Variants in SBNO1 observed in about 807,000 individuals in gnomAD.
SBNO1 encodes protein strawberry notch homolog 1.
In SBNO1, 23 loss-of-function variants were observed where a neutral mutation model predicts 173.6. That is an observed-to-expected ratio of 0.13 (90% CI 0.10 to 0.19). The LOEUF (loss-of-function observed/expected upper bound fraction) is 0.19, where lower values mean the gene tolerates loss of function less well. Ranked by LOEUF, SBNO1 falls within the 10% of genes least tolerant of loss-of-function variation. SBNO1 has a pLI of 1.00. For synonymous variants in SBNO1, 632 were observed against 571.5 expected, an observed-to-expected ratio of 1.11 and a Z score of -1.51; for missense variants, 1,238 against 1,671.2, an observed-to-expected ratio of 0.74 and a Z score of 4.52.
Position 123,334,117 on chromosome 12 carries a change from T to A in SBNO1, c.845A>T (p.Glu282Val), listed in dbSNP as rs1426072982. 1.2e-6 allele frequency: 2 copies of A among 1,607,096 alleles called. No homozygotes were observed. Among genetic ancestry groups the A allele is most frequent in the Non-Finnish European group, 8.5e-7 (1 of 1,177,274 alleles). The change falls in exon 7 of 32, where the codon GAG (glutamate) becomes GTG (valine). Residue 282 changes from glutamate (E) to valine (V), a missense_variant. Glu to Val is a moderately radical substitution (Grantham distance 121). Around this residue, in one of 14 missense-constraint regions of SBNO1, gnomAD observed 78 missense variants for 103.3 expected, o/e 0.76. Coordinates refer to ENST00000602398, the MANE Select transcript of SBNO1 (RefSeq NM_001167856.3). ...PDVWYKTSIS[E>V]ETIDNGWLSA... ...TAACCAGCCATTATCAATGGTTTCC[T>A]CAGAAATGGATGTTTTGTACCAAAC... is the stretch of plus-strand genomic sequence containing the variant.
chr12:123,342,940 G>A (rs536318802), intron 4 of SBNO1, among the ~76,000 whole-genome samples: 3 of 152,266 alleles, frequency 2.0e-5, no homozygotes, highest in Non-Finnish European at 2.9e-5. Flanking sequence ...ACTCCAAAAC[G>A]AGTACAACTA....
intron 1 of SBNO1, among the ~76,000 whole-genome samples, chr12:123,356,168 G>A (rs561579182): frequency 5.3e-5 from 8 of 152,272 alleles, no homozygotes; most frequent in African/African-American, 1.9e-4. Context: ...CTAGTAGTAT[G>A]ATATGGTCAA....
Position 123,350,428 on chromosome 12 carries a change from C to T in SBNO1, c.14G>A (p.Gly5Glu). MVEP[G>E]QDLLLAALSE... Reference sequence around the variant, plus strand: ...CAAAGCAGCAAGCAGTAAATCTTGCCCTGGCTCCACCATCTTTAAAGGGAA... The same window carrying T: ...CAAAGCAGCAAGCAGTAAATCTTGCTCTGGCTCCACCATCTTTAAAGGGAA... The change falls in exon 2 of 32, where the codon GGG (glycine) becomes GAG (glutamate). Residue 5 changes from glycine to glutamate, a missense_variant. Around this residue, in one of 14 missense-constraint regions of SBNO1, gnomAD observed 287 missense variants for 274.1 expected, o/e 1.05. Transcript: ENST00000602398. The T allele has an allele frequency of 6.2e-7, 1 of 1,613,438 alleles. No individual in the cohort carries two copies. The highest frequency in any genetic ancestry group is 1.1e-5 in the South Asian group (1 of 91,068).
Position 123,327,569 on chromosome 12 carries a change from C to T in SBNO1, c.1549G>A (p.Ala517Thr). ...IQAVERRGVG[A>T]MEIVAMDMKL... ...ATATCCATAGCAACTATTTCCATGGCACCAACTCCTCTGAATAAAATTAAA... is the reference window on the plus strand; with the variant it reads ...ATATCCATAGCAACTATTTCCATGGTACCAACTCCTCTGAATAAAATTAAA... Residue 517 changes from alanine (A) to threonine (T), a missense_variant, in exon 13 of 32, where the codon GCC becomes ACC. Around this residue, in one of 14 missense-constraint regions of SBNO1, gnomAD observed 182 missense variants for 339.9 expected, o/e 0.54. Transcript: ENST00000602398. 6.2e-7 allele frequency: 1 copy of T among 1,613,340 alleles called. No individual in the cohort carries two copies.
chr12:123,320,882 A>G lies in SBNO1; in HGVS notation c.2324-16T>C, dbSNP rs1205633935. 18 of 1,527,662 alleles carry G rather than the reference A, an allele frequency of 1.2e-5. No homozygotes were observed. The Admixed American group carries it at 3.0e-4, about 25-fold the overall frequency. The allele number at this position is 1,527,662 out of a possible 1,614,324, so 94.6% of individuals were successfully genotyped here. On this transcript the variant is annotated splice_polypyrimidine_tract_variant and intron_variant, in intron 17 of 31. Transcript: ENST00000602398. Reference sequence around the variant, plus strand: ...AACCAGGGATCTGAGTGTTAAGGAAAGATACATGTCAAATCATTTGTTAAA... The same window carrying G: ...AACCAGGGATCTGAGTGTTAAGGAAGGATACATGTCAAATCATTTGTTAAA...
rs1351233998 is a variant in SBNO1, at chr12:123,320,949, ATTTTT to A, written c.2324-88_2324-84del. 4.2e-6 allele frequency: 5 copies of A among 1,177,170 alleles called. No individual in the cohort carries two copies. The South Asian group carries it at 8.0e-5, about 19-fold the overall frequency. The allele number at this position is 1,177,170 out of a possible 1,614,324, so 72.9% of individuals were successfully genotyped here. On this transcript the variant is annotated intron_variant, in intron 17 of 31. Transcript: ENST00000602398. Reference sequence around the variant, plus strand: ...CAAAGGAAACAACCTTTGAAATTTTATTTTTTTGAGACAATGTTTCGCTGTTGTAG... The same window carrying A: ...CAAAGGAAACAACCTTTGAAATTTTATTGAGACAATGTTTCGCTGTTGTAG...
chr12:123,332,367 C>T (rs1375450765), intron 7 of SBNO1, among the ~76,000 whole-genome samples: 2 of 152,080 alleles, frequency 1.3e-5, no homozygotes, highest in African/African-American at 2.4e-5. Flanking sequence ...TCTCGGCTCA[C>T]CGCAACCTCC....
chr12:123,329,464 A>AT (rs1490563603), intron 9 of SBNO1, among the ~76,000 whole-genome samples: 1 of 151,756 alleles, frequency 6.6e-6, no homozygotes, highest in Non-Finnish European at 1.5e-5. Flanking sequence ...AAACTTCCCT[A>AT]TAAGAATAAA....
intron 1 of SBNO1, among the ~76,000 whole-genome samples, chr12:123,360,932 G>A (rs1474927485): frequency 6.6e-6 from 1 of 151,934 alleles, no homozygotes; most frequent in African/African-American, 2.4e-5. Flanking sequence ...CCAACATGGT[G>A]AAGCCCCATC....
At chr12:123,324,730 A>G (rs991184920) in intron 15 of SBNO1, among the ~76,000 whole-genome samples, 1 of 152,208 alleles carries the variant, frequency 6.6e-6, no homozygotes, top group Non-Finnish European at 1.5e-5. Flanking sequence ...CAAACTAAAA[A>G]CAATGCCTAA....
At chr12:123,327,404 G>T in intron 13 of SBNO1, 22 bp downstream of exon 13, 1 of 1,598,614 alleles carries the variant, frequency 6.3e-7, no homozygotes, top group Non-Finnish European at 8.5e-7. Flanking sequence ...ATAAACACTA[G>T]GAATTAAGAA....
chr12:123,323,598 C>T, intron 16 of SBNO1, 82 bp downstream of exon 16: 3 of 954,138 alleles, frequency 3.1e-6, no homozygotes, highest in Non-Finnish European at 4.5e-6. Context: ...TCGTGATCTG[C>T]CCACCTCAGC....
rs376358890 is a variant in SBNO1 at position 123,310,537 on chromosome 12, T to A, written c.3295+518A>T. Among the ~76,000 whole-genome samples, 7 of 137,432 alleles carry A rather than the reference T, an allele frequency of 5.1e-5. No homozygotes were observed. In the South Asian group the frequency reaches 7.0e-4, roughly 14 times the overall value. The allele number at this position is 137,432 out of a possible 152,430, so 90.2% of individuals were successfully genotyped here. A position where few individuals can be genotyped will look rare whatever the true frequency, so the allele number is the denominator to read the frequency against. On this transcript the variant is annotated intron_variant, in intron 25 of 31. Transcript: ENST00000602398. Reference sequence around the variant, plus strand: ...GTGAGCCACCGCGCCCGACCAATTTTTTTTTATTTTTTTAGACGGAGTCTT... The same window carrying A: ...GTGAGCCACCGCGCCCGACCAATTTATTTTTATTTTTTTAGACGGAGTCTT...
chr12:123,361,853 T>G (rs913308129), intron 1 of SBNO1, among the ~76,000 whole-genome samples: 2 of 151,830 alleles, frequency 1.3e-5, no homozygotes, highest in Non-Finnish European at 2.9e-5. Context: ...TTATTTAAGA[T>G]TCTGAGGCCA....
rs960132509 is a variant in SBNO1, at chr12:123,364,526, C to G, written c.-1+175G>C. On this transcript the variant is annotated intron_variant, in intron 1 of 31. Transcript: ENST00000602398. ...CGGAGCCGCCGTCGGGAACATGCCCCCGAGGGCCCCGGAGCGCGCGGCCGC... is the reference window on the plus strand; with the variant it reads ...CGGAGCCGCCGTCGGGAACATGCCCGCGAGGGCCCCGGAGCGCGCGGCCGC... 5.4e-5 allele frequency: 53 copies of G among 983,722 alleles called. 1 individual carries two copies. The highest frequency in any genetic ancestry group is 5.2e-4 in the Middle Eastern group (1 of 1,912). 60.9% of individuals were successfully genotyped at this position (983,722 alleles called of 1,614,324 possible).
intron 30 of SBNO1, among the ~76,000 whole-genome samples, chr12:123,300,184 G>A (rs2048738525): frequency 3.3e-5 from 5 of 152,228 alleles, no homozygotes; most frequent in East Asian, 3.9e-4. Flanking sequence ...AGGTATATAG[G>A]ACACTTTTCT....
Position 123,292,439 on chromosome 12 carries a change from G to A in SBNO1, c.*3469C>T, listed in dbSNP as rs1312637843. ...TTTATCTCATGCTAAAATGAAAGTG[G>A]AGGGGAGAGGGAAGAAGGCTCCCAT... is the stretch of plus-strand genomic sequence containing the variant. On this transcript the variant is annotated 3_prime_UTR_variant, in exon 32 of 32. Transcript: ENST00000602398. The A allele has an allele frequency of 1.3e-5, 2 of 152,154 alleles. No individual in the cohort carries two copies. The highest frequency in any genetic ancestry group is 3.8e-4 in the East Asian group (2 of 5,200). The allele number at this position is 152,154 out of a possible 1,614,324, so 9.4% of individuals were successfully genotyped here.
intron 24 of SBNO1, among the ~76,000 whole-genome samples, chr12:123,311,720 C>CTATCTA (rs1224940028): frequency 0.013 from 1,620 of 127,278 alleles, 15 homozygotes; most frequent in African/African-American, 0.026. Context: ...ATCTATCTAT[C>CTATCTA]TATATATATA....
chr12:123,347,770 A>C (rs1355394509), intron 3 of SBNO1, among the ~76,000 whole-genome samples: 1 of 150,796 alleles, frequency 6.6e-6, no homozygotes, highest in African/African-American at 2.4e-5. Flanking sequence ...CCTGACCTCA[A>C]GTGATCCACC....
Sources: allele counts gnomAD v4.1 joint callset (sites outside exome capture counted in the v4.1 genomes callset), GRCh38; gene constraint gnomAD v4.1.1; regional missense constraint gnomAD v4.1.1; transcripts MANE v1.5; gene names NCBI Gene and HGNC (gene_info 2026-07-23, HGNC 2026-07-21).